The following TXNDC12 variants were observed in gnomAD, a reference collection of about 807,000 sequenced individuals.
The protein encoded by TXNDC12 is thioredoxin domain containing 12.
A neutral mutation model predicts 24.2 loss-of-function variants in TXNDC12; 22 were observed. That is an observed-to-expected ratio of 0.91 (90% CI 0.65 to 1.30). The LOEUF (loss-of-function observed/expected upper bound fraction) is 1.30, where lower values mean the gene tolerates loss of function less well. Among genes scored for constraint, TXNDC12 ranks in the 50% most tolerant of loss-of-function variants. The pLI, the probability that TXNDC12 is intolerant of heterozygous loss-of-function variation, is 0.00. For missense variants in TXNDC12, 184 were observed against 205.8 expected, an observed-to-expected ratio of 0.89 and a Z score of 0.65; for synonymous variants, 58 against 73.4, an observed-to-expected ratio of 0.79 and a Z score of 1.07.
chr1:52,032,677 T>C (rs1685786155), intron 2 of TXNDC12: 10 of 1,562,420 alleles, frequency 6.4e-6, no homozygotes, highest in Non-Finnish European at 8.6e-6. Context: ...AAGCCATGGC[T>C]TCCCCCCTAC....
chr1:52,026,941 CAGG>C (rs1263946461), intron 4 of TXNDC12, among the ~76,000 whole-genome samples: 1 of 151,722 alleles, frequency 6.6e-6, no homozygotes, highest in African/African-American at 2.4e-5. Flanking sequence ...GAGGCGGAGG[CAGG>C]AGAATTGATT....
chr1:52,032,121 T>C, intron 2 of TXNDC12: 1 of 959,974 alleles, frequency 1.0e-6, no homozygotes, highest in Non-Finnish European at 1.2e-6. Flanking sequence ...TTTAAAAGAT[T>C]TTATTAGAGG....
At chr1:52,054,797 A>G (rs1011732602) in intron 1 of TXNDC12, among the ~76,000 whole-genome samples, 2 of 152,148 alleles carry the variant, frequency 1.3e-5, no homozygotes, top group African/African-American at 4.8e-5. Context: ...GAGAGGCCTC[A>G]AGTACAACTT....
At chr1:52,052,447 T>G (rs1686231001) in intron 1 of TXNDC12, 1 of 169,294 alleles carries the variant, frequency 5.9e-6, no homozygotes, top group Non-Finnish European at 1.5e-5. Context: ...TAAGGCTAGG[T>G]GACAAAAATG....
At chr1:52,036,246 T>C (rs932539367) in intron 2 of TXNDC12, among the ~76,000 whole-genome samples, 1 of 152,194 alleles carries the variant, frequency 6.6e-6, no homozygotes, top group East Asian at 1.9e-4. Flanking sequence ...ATATTTTGAA[T>C]GTAATATTAT....
At chr1:52,040,179 C>T (rs1440306554) in intron 2 of TXNDC12, among the ~76,000 whole-genome samples, 8 of 152,144 alleles carry the variant, frequency 5.3e-5, no homozygotes, top group South Asian at 2.1e-4. Flanking sequence ...GTAATCTGCC[C>T]GCCTCAGCCT....
intron 2 of TXNDC12, among the ~76,000 whole-genome samples, chr1:52,029,091 A>G (rs908183527): frequency 3.3e-5 from 5 of 152,132 alleles, no homozygotes; most frequent in African/African-American, 7.2e-5. Context: ...CCGCACCACT[A>G]CACTCCAGCC....
At chr1:52,033,898 G>A in intron 2 of TXNDC12, 3 of 1,432,890 alleles carry the variant, frequency 2.1e-6, no homozygotes, top group South Asian at 3.0e-5. Flanking sequence ...TATGGAAACA[G>A]GAGTTCTACG....
At position 52,021,090 on chromosome 1, in the gene TXNDC12, T is replaced by G. The variant is rs969070360; in HGVS notation, c.440-78A>C. The G allele has an allele frequency of 6.3e-6, 7 of 1,103,978 alleles. No individual in the cohort carries two copies. In the African/African-American group the frequency reaches 9.2e-5, roughly 15 times the overall value. The allele number at this position is 1,103,978 out of a possible 1,614,324, so 68.4% of individuals were successfully genotyped here. A position where few individuals can be genotyped will look rare whatever the true frequency, so the allele number is the denominator to read the frequency against. On this transcript the variant is annotated intron_variant, in intron 6 of 6. Coordinates refer to ENST00000371626, the MANE Select transcript of TXNDC12 (RefSeq NM_015913.4). ...TTGACAACCAATGTACACTTTTAAATGTTTCAGAAGAAATATGAGAGGAGT... is the reference window on the plus strand; with the variant it reads ...TTGACAACCAATGTACACTTTTAAAGGTTTCAGAAGAAATATGAGAGGAGT...
chr1:52,046,814 A>C (rs1686098960), intron 1 of TXNDC12, among the ~76,000 whole-genome samples: 1 of 149,938 alleles, frequency 6.7e-6, no homozygotes, highest in Admixed American at 6.7e-5. Flanking sequence ...TCAAGAGATC[A>C]AGACCATCCT....
intron 1 of TXNDC12, among the ~76,000 whole-genome samples, chr1:52,052,079 C>A (rs778284991): frequency 2.6e-5 from 4 of 152,190 alleles, no homozygotes; most frequent in Non-Finnish European, 5.9e-5. Context: ...CCCAACCCAG[C>A]CCCACTGCCC....
chr1:52,032,838 C>A (rs754799691), intron 2 of TXNDC12: 4 of 1,614,116 alleles, frequency 2.5e-6, no homozygotes, highest in East Asian at 4.5e-5. Context: ...GCCGGGTAAA[C>A]CGCAAGTGCT....
chr1:52,037,918 C>G (rs922258130), intron 2 of TXNDC12, among the ~76,000 whole-genome samples: 1 of 151,772 alleles, frequency 6.6e-6, no homozygotes, highest in Non-Finnish European at 1.5e-5. Flanking sequence ...GCTTCTCTTC[C>G]TATTTTTTTT....
Position 52,028,674 on chromosome 1 carries a change from C to A in TXNDC12, c.159-44G>T, listed in dbSNP as rs185279712. 115 of 1,431,304 alleles carry A rather than the reference C, an allele frequency of 8.0e-5. No individual in the cohort carries two copies. In the African/African-American group the frequency reaches 1.5e-3, roughly 18 times the overall value. 88.7% of individuals were successfully genotyped at this position (1,431,304 alleles called of 1,614,324 possible). ...AAATTATAATCTAGTAATTCTACTT[C>A]TTGAAATTTAATGATAAAGATTAAT... On this transcript the variant is annotated intron_variant, in intron 2 of 6. Transcript: ENST00000371626.
chr1:52,024,444 A>C, intron 5 of TXNDC12, 66 bp downstream of exon 5: 1 of 1,260,736 alleles, frequency 7.9e-7, no homozygotes, highest in South Asian at 1.2e-5. Context: ...AGGTGAAGTC[A>C]GTGCCTTGAT....
intron 2 of TXNDC12, chr1:52,034,119 C>G (rs1685838957): frequency 8.6e-7 from 1 of 1,160,380 alleles, no homozygotes; most frequent in Non-Finnish European, 1.1e-6. Context: ...TTAATAAATG[C>G]TGGTTCTCCT....
At chr1:52,027,415 T>C (rs1685686288) in intron 3 of TXNDC12, 67 bp from the exon 4 acceptor site, 2 of 1,155,746 alleles carry the variant, frequency 1.7e-6, no homozygotes, top group Non-Finnish European at 1.3e-6. Context: ...TTAACGAACA[T>C]AAGCATCACT....
At chr1:52,036,996 T>A (rs1267781587) in intron 2 of TXNDC12, among the ~76,000 whole-genome samples, 1 of 152,222 alleles carries the variant, frequency 6.6e-6, no homozygotes, top group Non-Finnish European at 1.5e-5. Flanking sequence ...TCAGGCTTGA[T>A]GGTCTTCACA....
intron 2 of TXNDC12, among the ~76,000 whole-genome samples, chr1:52,038,782 C>T (rs186958119): frequency 6.6e-6 from 1 of 151,892 alleles, no homozygotes; most frequent in African/African-American, 2.4e-5. Context: ...TTTATAGTAC[C>T]CATGTAAAAG....
Sources: allele counts gnomAD v4.1 joint callset (sites outside exome capture counted in the v4.1 genomes callset), GRCh38; gene constraint gnomAD v4.1.1; transcripts MANE v1.5; gene names NCBI Gene and HGNC (gene_info 2026-07-23, HGNC 2026-07-21).